GLS: variants seen among roughly 807,000 people sequenced by gnomAD.
The protein encoded by GLS is glutaminase kidney isoform, mitochondrial.
In GLS, 36 loss-of-function variants were observed where a neutral mutation model predicts 86.7. That is an observed-to-expected ratio of 0.42 (90% CI 0.32 to 0.55). The LOEUF (loss-of-function observed/expected upper bound fraction) is 0.55. Among genes scored for constraint, GLS ranks in the 20% least tolerant of loss-of-function variants. The probability of loss-of-function intolerance (pLI) is 0.17; values close to 1 mark genes in which losing one functional copy is unlikely to be tolerated. For missense variants in GLS, 528 were observed against 833.4 expected (o/e 0.63, Z 4.51); for synonymous variants, 317 against 305.9 (o/e 1.04, Z -0.38).
At position 190,927,273 on chromosome 2, in the gene GLS, T is replaced by C. The variant is rs568699989; in HGVS notation, c.1249-33T>C. ...TAAAAGTGAACAGTAATATTAAAAG[T>C]AGTATGAGAATTCTGCTTTTTCTTT... On this transcript the variant is annotated intron_variant, in intron 11 of 17. Transcript: ENST00000320717. The C allele has an allele frequency of 4.1e-4, 612 of 1,494,784 alleles. 11 individuals carry two copies. The South Asian group carries it at 7.1e-3, about 17-fold the overall frequency. The allele number at this position is 1,494,784 out of a possible 1,614,324, so 92.6% of individuals were successfully genotyped here.
rs1328904021 is a variant in GLS at position 190,905,845 on chromosome 2, A to C, written c.979+678A>C. On this transcript the variant is annotated intron_variant, in intron 6 of 17. Transcript: ENST00000320717. This position sits in a 1 kb window ranked among gnomAD's most constrained non-coding sequence, Gnocchi z 4.6. ...TTTGGTTTCTGTTTTTTAATCTTCT[A>C]AGCATATGCTGTGTTTCTGATTGAT... Among the ~76,000 whole-genome samples the C allele has an allele frequency of 6.6e-6, 1 of 152,096 alleles. No homozygotes were observed. The highest frequency in any genetic ancestry group is 1.9e-4 in the East Asian group (1 of 5,204).
chr2:190,883,077 A>C (rs1338235757), intron 1 of GLS, among the ~76,000 whole-genome samples: 1 of 152,238 alleles, frequency 6.6e-6, no homozygotes, highest in Non-Finnish European at 1.5e-5. Context: ...GTGTCTCTGC[A>C]GTGGCTCTAG....
chr2:190,931,730 T>C lies in GLS; in HGVS notation c.1650+93T>C, dbSNP rs910372143. The C allele has an allele frequency of 6.7e-6, 4 of 596,736 alleles. No individual in the cohort carries two copies. In the African/African-American group the frequency reaches 7.6e-5, roughly 11 times the overall value. 37.0% of individuals were successfully genotyped at this position (596,736 alleles called of 1,614,324 possible). ...TATAAATAAAATCTTAGTTTGTTAG[T>C]GGCCTCGGGTCTTTGCTAATCATAA... On this transcript the variant is annotated intron_variant, in intron 14 of 17. Transcript: ENST00000320717.
intron 1 of GLS, among the ~76,000 whole-genome samples, chr2:190,886,449 A>T (rs889011055): frequency 9.9e-5 from 15 of 152,142 alleles, no homozygotes; most frequent in African/African-American, 3.4e-4. Flanking sequence ...ACCTACCTCA[A>T]AGTCAGCTAA....
intron 4 of GLS, among the ~76,000 whole-genome samples, chr2:190,901,575 A>G (rs760801078): frequency 6.6e-6 from 1 of 152,046 alleles, no homozygotes; most frequent in Non-Finnish European, 1.5e-5. Flanking sequence ...CTTGATTCCT[A>G]ATGTTTTAGT....
intron 3 of GLS, among the ~76,000 whole-genome samples, chr2:190,899,354 C>T (rs1318841338): frequency 6.6e-6 from 1 of 151,962 alleles, no homozygotes; most frequent in East Asian, 1.9e-4. Flanking sequence ...ATCCTTATGA[C>T]TGAAACAATA....
At chr2:190,945,410 C>T (rs993605609) in intron 14 of GLS, among the ~76,000 whole-genome samples, 2 of 151,888 alleles carry the variant, frequency 1.3e-5, no homozygotes, top group African/African-American at 4.8e-5. Context: ...CACATGTAAT[C>T]CCAGCACTTT....
At chr2:190,940,918 A>G (rs1690409414) in intron 14 of GLS, among the ~76,000 whole-genome samples, 2 of 152,138 alleles carry the variant, frequency 1.3e-5, no homozygotes, top group Non-Finnish European at 2.9e-5. Context: ...AGAACTAAAA[A>G]AGATTACCAT....
At chr2:190,950,593 C>T (rs1040901627) in intron 14 of GLS, among the ~76,000 whole-genome samples, 2 of 152,214 alleles carry the variant, frequency 1.3e-5, no homozygotes, top group Non-Finnish European at 2.9e-5. Context: ...AGCAGAAGCA[C>T]TTCTCAGCAC....
Position 190,962,806 on chromosome 2 carries a change from G to C in GLS, c.1854-24G>C. ...TGTACATAAATTACCTAATGACCCT[G>C]TCCATGCTGTGCTACGTGTTTAGGT... is the stretch of plus-strand genomic sequence containing the variant. On this transcript the variant is annotated intron_variant, in intron 17 of 17. Transcript: ENST00000320717. This position sits in a 1 kb window ranked among gnomAD's most constrained non-coding sequence, Gnocchi z 4.2. 2 of 1,410,076 alleles carry C rather than the reference G, an allele frequency of 1.4e-6. No individual in the cohort carries two copies. Among genetic ancestry groups the C allele is most frequent in the Non-Finnish European group, 1.9e-6 (2 of 1,070,954 alleles). The allele number at this position is 1,410,076 out of a possible 1,614,324, so 87.3% of individuals were successfully genotyped here. A position where few individuals can be genotyped will look rare whatever the true frequency, so the allele number is the denominator to read the frequency against.
Position 190,895,489 on chromosome 2 carries a change from C to G in GLS, c.484-115C>G. 1.5e-6 allele frequency: 1 copy of G among 682,514 alleles called. No individual in the cohort carries two copies. Among genetic ancestry groups the G allele is most frequent in the South Asian group, 2.8e-5 (1 of 36,252 alleles). The allele number at this position is 682,514 out of a possible 1,614,324, so 42.3% of individuals were successfully genotyped here. On this transcript the variant is annotated intron_variant, in intron 2 of 17. Coordinates refer to ENST00000320717, the MANE Select transcript of GLS (RefSeq NM_014905.5). The surrounding 1 kb of genome is among the most constrained non-coding windows in gnomAD (Gnocchi z 4.2). ...AATAGTGACACTAAGATGCCATATTCATGTTCAAGTGTTGGGTAGAAGTTT... is the reference window on the plus strand; with the variant it reads ...AATAGTGACACTAAGATGCCATATTGATGTTCAAGTGTTGGGTAGAAGTTT...
intron 7 of GLS, among the ~76,000 whole-genome samples, chr2:190,912,590 T>C (rs1461287252): frequency 2.6e-5 from 4 of 152,196 alleles, no homozygotes; most frequent in Admixed American, 2.6e-4. Flanking sequence ...GCCTTAAAAA[T>C]TGTCAAACCC....
At chr2:190,945,679 A>G (rs1690561204) in intron 14 of GLS, among the ~76,000 whole-genome samples, 1 of 151,918 alleles carries the variant, frequency 6.6e-6, no homozygotes, top group Non-Finnish European at 1.5e-5. Context: ...AAAAAAAAGA[A>G]AAAAAAATTG....
Position 190,902,015 on chromosome 2 carries a change from A to G in GLS, c.804A>G (p.Val268=). 1 of 1,603,132 alleles carries G rather than the reference A, an allele frequency of 6.2e-7. No homozygotes were observed. Among genetic ancestry groups the G allele is most frequent in the Non-Finnish European group, 8.5e-7 (1 of 1,170,136 alleles). The change falls in exon 5 of 18, where the codon GTA becomes GTG. Residue 268 remains valine, a synonymous_variant. Coordinates refer to ENST00000320717, the MANE Select transcript of GLS (RefSeq NM_014905.5). The part of the protein sequence containing the change: ...PDLWGVSVCT[V]DGQRHSTGDT... ...TGTGGGGTGTGTCTGTTTGTACAGT[A>G]GATGGACAGAGGTAAGTTTATTTCA...
In GLS at chr2:190,955,442, T is replaced by C. The variant is rs1220981354; in HGVS notation, c.1853+624T>C. 6.6e-6 allele frequency among the ~76,000 whole-genome samples: 1 copy of C among 152,228 alleles called. No homozygotes were observed. Among genetic ancestry groups the C allele is most frequent in the African/African-American group, 2.4e-5 (1 of 41,466 alleles). ...TGGTTTCCAGCTTCACCCATGTCCC[T>C]GCAAAGGACATGAACTCATCCTTTT... On this transcript the variant is annotated intron_variant, in intron 17 of 17. Transcript: ENST00000320717. The surrounding 1 kb of genome is among the most constrained non-coding windows in gnomAD (Gnocchi z 5.6).
At chr2:190,927,716 A>AGACTGT in intron 12 of GLS, 2 of 386,358 alleles carry the variant, frequency 5.2e-6, no homozygotes, top group Non-Finnish European at 9.3e-6. Flanking sequence ...CTTTTAAGGC[A>AGACTGT]ATCCAGTGTA....
At chr2:190,887,365 T>C (rs1208903277) in intron 1 of GLS, among the ~76,000 whole-genome samples, 2 of 152,078 alleles carry the variant, frequency 1.3e-5, no homozygotes, top group Non-Finnish European at 2.9e-5. Flanking sequence ...AATGTTAATG[T>C]ACCTTGACTT....
intron 11 of GLS, chr2:190,927,069 C>T: frequency 2.5e-6 from 1 of 400,022 alleles, no homozygotes; most frequent in Non-Finnish European, 4.5e-6. Context: ...CTGGCACTTC[C>T]TAGTCTAGTT....
At chr2:190,889,077 A>G (rs550178609) in intron 1 of GLS, among the ~76,000 whole-genome samples, 3 of 152,328 alleles carry the variant, frequency 2.0e-5, no homozygotes, top group South Asian at 2.1e-4. Flanking sequence ...GAGGACATCT[A>G]TTTTTAGCAA....
Sources: gnomAD v4.1 joint callset for allele counts (sites outside exome capture counted in the v4.1 genomes callset) on GRCh38, gnomAD v4.1.1 for gene constraint, Gnocchi (gnomAD v3.1) non-coding constraint, MANE v1.5 for transcripts, NCBI Gene and HGNC (gene_info 2026-07-23, HGNC 2026-07-21) for gene names.